Variants in KIF26B observed in about 807,000 individuals in gnomAD.
KIF26B encodes kinesin-like protein KIF26B.
A neutral mutation model predicts 151.2 loss-of-function variants in KIF26B; 63 were observed. The ratio of observed to expected loss-of-function variants is 0.42; its 90% CI spans 0.34 to 0.51. The LOEUF (loss-of-function observed/expected upper bound fraction) is 0.51, where lower values mean the gene tolerates loss of function less well. KIF26B is among the 20% of genes least tolerant of loss of function. The pLI is 0.07. For synonymous variants in KIF26B, 1,357 were observed against 1,262.1 expected, an observed-to-expected ratio of 1.08 and a Z score of -1.59; for missense variants, 2,813 against 2,913.6, an observed-to-expected ratio of 0.97 and a Z score of 0.79.
At chr1:245,238,575 A>G (rs1458076598) in intron 2 of KIF26B, among the ~76,000 whole-genome samples, 4 of 151,972 alleles carry the variant, frequency 2.6e-5, no homozygotes, top group East Asian at 3.9e-4. Context: ...ACTCAGAACA[A>G]TTGGGCTGGG....
chr1:245,679,457 G>GT (rs35663208), intron 10 of KIF26B, among the ~76,000 whole-genome samples: 1,203 of 59,348 alleles, frequency 0.02, 206 homozygotes, highest in African/African-American at 0.029. Context: ...TTTTGTGTGT[G>GT]TTTTTTTTTT....
intron 12 of KIF26B, among the ~76,000 whole-genome samples, chr1:245,694,313 C>T (rs1318784609): frequency 6.6e-6 from 1 of 152,252 alleles, no homozygotes; most frequent in African/African-American, 2.4e-5. Flanking sequence ...CTGATATCTA[C>T]AGTTCCTTTC....
intron 4 of KIF26B, among the ~76,000 whole-genome samples, chr1:245,476,660 C>G (rs942685101): frequency 2.6e-5 from 4 of 151,504 alleles, no homozygotes; most frequent in Non-Finnish European, 4.4e-5. Context: ...CTCAGCCTCC[C>G]GAGTAGTTGA....
At chr1:245,172,411 GAA>G (rs1668729511) in intron 2 of KIF26B, among the ~76,000 whole-genome samples, 1 of 152,216 alleles carries the variant, frequency 6.6e-6, no homozygotes, top group South Asian at 2.1e-4. Flanking sequence ...GTTAGTGAGA[GAA>G]GACTGAGGAA....
At chr1:245,533,433 T>C (rs1661418789) in intron 4 of KIF26B, among the ~76,000 whole-genome samples, 2 of 152,126 alleles carry the variant, frequency 1.3e-5, no homozygotes. Context: ...TTATAAACAC[T>C]TTACCCACCT....
chr1:245,498,358 A>C (rs1331059923), intron 4 of KIF26B, among the ~76,000 whole-genome samples: 1 of 152,200 alleles, frequency 6.6e-6, no homozygotes, highest in Non-Finnish European at 1.5e-5. Context: ...ATTAGAAGCT[A>C]GTGGAATGTT....
rs117645931 is a variant in KIF26B at position 245,397,801 on chromosome 1, C to T, written c.1000-21778C>T. On this transcript the variant is annotated intron_variant, in intron 3 of 14. Transcript: ENST00000407071. ...GAGACAGCGGACATGATTTTTATTG[C>T]TCCTGAGAATAGAATAGGAGCCAAT... Among the ~76,000 whole-genome samples the T allele has an allele frequency of 2.7e-4, 41 of 152,254 alleles. No individual in the cohort carries two copies. The East Asian group carries it at 7.9e-3, about 29-fold the overall frequency.
chr1:245,402,955 C>T (rs934062228), intron 3 of KIF26B, among the ~76,000 whole-genome samples: 1 of 152,124 alleles, frequency 6.6e-6, no homozygotes, highest in African/African-American at 2.4e-5. Context: ...GAATTCTAGA[C>T]AGCTGGCTTG....
In KIF26B at chr1:245,395,190, G is replaced by T. The variant is rs1166725060; in HGVS notation, c.1000-24389G>T. On this transcript the variant is annotated intron_variant, in intron 3 of 14. Transcript: ENST00000407071. ...GTAATACTAGGTTCAAATGTGAGTA[G>T]ATTTGAGTGCATGTCGATGTTGAAA... 2.6e-5 allele frequency among the ~76,000 whole-genome samples: 4 copies of T among 152,302 alleles called. No individual in the cohort carries two copies. In the East Asian group the frequency reaches 7.7e-4, roughly 29 times the overall value.
chr1:245,452,581 A>C (rs1309566942), intron 4 of KIF26B, among the ~76,000 whole-genome samples: 1 of 152,084 alleles, frequency 6.6e-6, no homozygotes, highest in Non-Finnish European at 1.5e-5. Context: ...CAGTTTCTTC[A>C]CATTCTCGAC....
At chr1:245,650,257 C>T (rs763755837) in intron 10 of KIF26B, among the ~76,000 whole-genome samples, 12 of 152,230 alleles carry the variant, frequency 7.9e-5, no homozygotes, top group Non-Finnish European at 1.6e-4. Flanking sequence ...TTTCTTTATT[C>T]GGTACATTCA....
intron 5 of KIF26B, among the ~76,000 whole-genome samples, chr1:245,593,728 A>T (rs2043313437): frequency 6.6e-6 from 1 of 152,160 alleles, no homozygotes; most frequent in Admixed American, 6.5e-5. Context: ...CTGGTTCTAG[A>T]TCCTTGAGGA....
chr1:245,567,435 C>T (rs943964642), intron 5 of KIF26B, among the ~76,000 whole-genome samples: 13 of 152,174 alleles, frequency 8.5e-5, no homozygotes, highest in African/African-American at 2.2e-4. Context: ...TTTCTCCAGC[C>T]TCCTGTCCCC....
intron 2 of KIF26B, among the ~76,000 whole-genome samples, chr1:245,313,689 G>A (rs1671707023): frequency 1.3e-5 from 2 of 152,326 alleles, no homozygotes; most frequent in African/African-American, 2.4e-5. Flanking sequence ...AATTAATCGG[G>A]AAGAAAGTCG....
intron 11 of KIF26B, among the ~76,000 whole-genome samples, chr1:245,684,696 C>T (rs914843675): frequency 2.0e-5 from 3 of 152,176 alleles, no homozygotes; most frequent in Non-Finnish European, 2.9e-5. Context: ...AGAGGAAAAA[C>T]GTTGGAGGGA....
chr1:245,200,320 T>C (rs911798603), intron 2 of KIF26B, among the ~76,000 whole-genome samples: 4 of 152,238 alleles, frequency 2.6e-5, no homozygotes, highest in African/African-American at 7.2e-5. Flanking sequence ...TTGAGTCTGG[T>C]TCATCTTGTC....
intron 5 of KIF26B, among the ~76,000 whole-genome samples, chr1:245,571,060 A>G (rs1156479197): frequency 6.6e-6 from 1 of 152,246 alleles, no homozygotes; most frequent in Admixed American, 6.5e-5. Flanking sequence ...AAGCTGCATC[A>G]TATCCTGTCT....
Position 245,560,428 on chromosome 1 carries a change from G to A in KIF26B, c.1350+19478G>A, listed in dbSNP as rs1478063098. Among the ~76,000 whole-genome samples the A allele has an allele frequency of 1.3e-5, 2 of 151,966 alleles. No individual in the cohort carries two copies. Among genetic ancestry groups the A allele is most frequent in the Admixed American group, 6.5e-5 (1 of 15,268 alleles). ...CCTGTGAGATAAAAATGTACCTTATGGTATTACTTTATTTTAATTCTGCCA... is the reference window on the plus strand; with the variant it reads ...CCTGTGAGATAAAAATGTACCTTATAGTATTACTTTATTTTAATTCTGCCA... On this transcript the variant is annotated intron_variant, in intron 5 of 14. Coordinates refer to ENST00000407071, the MANE Select transcript of KIF26B (RefSeq NM_018012.4). This position sits in a 1 kb window ranked among gnomAD's most constrained non-coding sequence, Gnocchi z 4.3.
intron 2 of KIF26B, among the ~76,000 whole-genome samples, chr1:245,302,863 C>T (rs2102978237): frequency 6.6e-6 from 1 of 151,604 alleles, no homozygotes; most frequent in South Asian, 2.1e-4. Flanking sequence ...GTGGCGGGTG[C>T]CTGTAATCTC....
Sources: gnomAD v4.1 joint callset for allele counts (sites outside exome capture counted in the v4.1 genomes callset) on GRCh38, gnomAD v4.1.1 for gene constraint, Gnocchi (gnomAD v3.1) non-coding constraint, MANE v1.5 for transcripts, NCBI Gene and HGNC (gene_info 2026-07-23, HGNC 2026-07-21) for gene names.